KDM3B: variants seen among roughly 807,000 people sequenced by gnomAD.
KDM3B encodes lysine-specific demethylase 3B.
Under a neutral mutation model 170.0 loss-of-function variants are expected in KDM3B, and 10 were observed. The ratio of observed to expected loss-of-function variants is 0.06; its 90% CI spans 0.04 to 0.10. The LOEUF is 0.10. Ranked by LOEUF, KDM3B falls within the 10% of genes least tolerant of loss-of-function variation. KDM3B has a pLI of 1.00. For synonymous variants in KDM3B, 831 were observed against 834.8 expected (o/e 1.00, Z 0.08); for missense variants, 1,394 against 2,195.2 (o/e 0.64, Z 7.29).
At chr5:138,393,884 A>G (rs2126954296) in intron 9 of KDM3B, among the ~76,000 whole-genome samples, 1 of 152,218 alleles carries the variant, frequency 6.6e-6, no homozygotes, top group East Asian at 1.9e-4. Context: ...TGATAAACTT[A>G]GAAGGGGAGT....
At position 138,424,072 on chromosome 5, in the gene KDM3B, C is replaced by A; in HGVS notation, c.3973-3C>A. ...GCTTACCTGGTGGATTTGTGTCTGG[C>A]AGGGAGTGAAGAGCAAGGCCAGCCT... On this transcript the variant is annotated splice_polypyrimidine_tract_variant and splice_region_variant and intron_variant, in intron 15 of 23. Coordinates refer to ENST00000314358, the MANE Select transcript of KDM3B (RefSeq NM_016604.4). 1 of 1,544,240 alleles carries A rather than the reference C, an allele frequency of 6.5e-7. No homozygotes were observed. Among genetic ancestry groups the A allele is most frequent in the Non-Finnish European group, 8.8e-7 (1 of 1,142,610 alleles).
chr5:138,425,639 C>G (rs1190287895), intron 17 of KDM3B, 57 bp downstream of exon 17: 6 of 1,423,144 alleles, frequency 4.2e-6, no homozygotes, highest in Non-Finnish European at 5.8e-6. Context: ...AGCATCTATA[C>G]GCCCAGCTCT....
chr5:138,410,391 T>C (rs977050050), intron 11 of KDM3B, among the ~76,000 whole-genome samples: 1 of 151,996 alleles, frequency 6.6e-6, no homozygotes, highest in African/African-American at 2.4e-5. Flanking sequence ...AACCCACACA[T>C]ACATAATCAA....
chr5:138,366,089 A>C (rs1761739178), intron 1 of KDM3B, among the ~76,000 whole-genome samples: 1 of 151,784 alleles, frequency 6.6e-6, no homozygotes, highest in Admixed American at 6.6e-5. Context: ...CCTCCTACTC[A>C]CAATCCCCTC....
At chr5:138,363,939 G>A (rs1761680569) in intron 1 of KDM3B, among the ~76,000 whole-genome samples, 1 of 145,094 alleles carries the variant, frequency 6.9e-6, no homozygotes, top group Non-Finnish European at 1.5e-5. Context: ...TCGAGATGGA[G>A]TCTCACTCAC....
rs1761966093 is a variant in KDM3B at position 138,375,187 on chromosome 5, A to G, written c.455A>G (p.Asn152Ser). 1.9e-6 allele frequency: 3 copies of G among 1,608,630 alleles called. No individual in the cohort carries two copies. Among genetic ancestry groups the G allele is most frequent in the Non-Finnish European group, 8.5e-7 (1 of 1,175,134 alleles). ...DRELRFLSDA[N>S]GLHLFQMGTD... is the part of the protein sequence containing the mutation. The stretch of plus-strand genomic sequence containing the variant: ...GAGCTTCGGTTCCTGTCAGATGCCA[A>G]TGGGTTGCATCTGTTTCAGGTATTT... Residue 152 changes from asparagine to serine, a missense_variant, in exon 3 of 24, where the codon AAT becomes AGT. By Grantham distance (46) the Asn-to-Ser change is conservative. This residue lies in a region of KDM3B where 166 missense variants were observed against 216.4 expected (regional missense o/e 0.77). Coordinates refer to ENST00000314358, the MANE Select transcript of KDM3B (RefSeq NM_016604.4).
At chr5:138,364,404 ACTCTT>A (rs1200445033) in intron 1 of KDM3B, among the ~76,000 whole-genome samples, 6 of 151,758 alleles carry the variant, frequency 4.0e-5, no homozygotes, top group African/African-American at 1.5e-4. Flanking sequence ...GAGTAATTTA[ACTCTT>A]CTCTTTTCGT....
intron 15 of KDM3B, among the ~76,000 whole-genome samples, 162 bp downstream of exon 15, chr5:138,421,124 C>A (rs1204990693): frequency 1.3e-5 from 2 of 152,140 alleles, no homozygotes; most frequent in African/African-American, 2.4e-5. Flanking sequence ...AAGTAGTGAA[C>A]CTTTTGTACC....
chr5:138,393,125 T>C, intron 8 of KDM3B, 46 bp from the exon 9 acceptor site: 1 of 1,566,738 alleles, frequency 6.4e-7, no homozygotes, highest in Non-Finnish European at 8.8e-7. Flanking sequence ...TATTGGTTCC[T>C]GTTTACACCT....
At chr5:138,387,864 A>C (rs556993749) in intron 7 of KDM3B, among the ~76,000 whole-genome samples, 2 of 151,706 alleles carry the variant, frequency 1.3e-5, no homozygotes, top group African/African-American at 4.8e-5. Context: ...GGCGGATCAC[A>C]AGGTCAGGAG....
In KDM3B at chr5:138,372,696, G is replaced by A. The variant is rs1761903455; in HGVS notation, c.215G>A (p.Cys72Tyr). Residue 72 changes from cysteine to tyrosine, a missense_variant, in exon 2 of 24, where the codon TGT becomes TAT. Coordinates refer to ENST00000314358, the MANE Select transcript of KDM3B (RefSeq NM_016604.4). ...CAGATCTTTGTAGAATTTGATGGCTGTAACTGGAAGCAACACTCCTGGGTA... is the reference window on the plus strand; with the variant it reads ...CAGATCTTTGTAGAATTTGATGGCTATAACTGGAAGCAACACTCCTGGGTA... Reference protein sequence around the residue: ...DLAIFVEFDGCNWKQHSWVKV... With the variant: ...DLAIFVEFDGYNWKQHSWVKV... 2 of 1,613,582 alleles carry A rather than the reference G, an allele frequency of 1.2e-6. No individual in the cohort carries two copies. The highest frequency in any genetic ancestry group is 4.5e-5 in the East Asian group (2 of 44,876).
intron 1 of KDM3B, 62 bp downstream of exon 1, chr5:138,353,049 C>A: frequency 3.0e-6 from 1 of 337,544 alleles, no homozygotes; most frequent in South Asian, 1.3e-4. Context: ...GCGGCCTCCC[C>A]GGGGGCCTTT....
chr5:138,427,468 T>C, intron 19 of KDM3B, 149 bp downstream of exon 19: 1 of 875,338 alleles, frequency 1.1e-6, no homozygotes. Flanking sequence ...CTTGAATATG[T>C]TTGCTTTTGT....
At chr5:138,386,655 G>A (rs1693246369) in intron 7 of KDM3B, 34 bp downstream of exon 7, 2 of 1,586,894 alleles carry the variant, frequency 1.3e-6, no homozygotes, top group South Asian at 2.3e-5. Context: ...TGCAAGATTT[G>A]GGTTTACTCT....
In KDM3B at chr5:138,415,211, C is replaced by T. The variant is rs756460625; in HGVS notation, c.3279C>T (p.Leu1093=). 5 of 1,607,644 alleles carry T rather than the reference C, an allele frequency of 3.1e-6. No homozygotes were observed. In the African/African-American group the frequency reaches 6.7e-5, roughly 21 times the overall value. Residue 1093 remains leucine, a synonymous_variant, in exon 12 of 24, where the codon CTC becomes CTT. Transcript: ENST00000314358. ...GACAGTCCCACGAACCAGAGAATCT[C>T]ATGCCCACACAAATTATTCCTGGCA... ...AKGQSHEPEN[L]MPTQIIPGTA... is the part of the protein sequence containing the mutation.
At position 138,429,844 on chromosome 5, in the gene KDM3B, A is replaced by G. The variant is rs1226620936; in HGVS notation, c.4772A>G (p.Asp1591Gly). The G allele has an allele frequency of 6.2e-7, 1 of 1,614,068 alleles. No homozygotes were observed. The highest frequency in any genetic ancestry group is 1.3e-5 in the African/African-American group (1 of 75,052). The change falls in exon 21 of 24, where the codon GAC (aspartate) becomes GGC (glycine). Residue 1591 changes from aspartate to glycine, a missense_variant. Asp to Gly is a moderately conservative substitution (Grantham distance 94, BLOSUM62 -1). Coordinates refer to ENST00000314358, the MANE Select transcript of KDM3B (RefSeq NM_016604.4). The stretch of plus-strand genomic sequence containing the variant: ...TTTTCAGAGGTACTCAAGACAATTG[A>G]CGAGGGAGATGCCGATGAGGTGACG... Reference protein sequence around the residue: ...AHDEEVLKTIDEGDADEVTKQ... With the variant: ...AHDEEVLKTIGEGDADEVTKQ...
chr5:138,357,788 T>C (rs1447572655), intron 1 of KDM3B, among the ~76,000 whole-genome samples: 75 of 150,832 alleles, frequency 5.0e-4, no homozygotes, highest in Admixed American at 8.6e-4. Context: ...GGCGCGATAT[T>C]GGCTCACTGC....
Position 138,391,242 on chromosome 5 carries a change from G to A in KDM3B, c.1610G>A (p.Ser537Asn), listed in dbSNP as rs1348248466. 1.2e-6 allele frequency: 2 copies of A among 1,614,118 alleles called. No homozygotes were observed. The highest frequency in any genetic ancestry group is 1.7e-6 in the Non-Finnish European group (2 of 1,180,028). Residue 537 changes from serine to asparagine, a missense_variant, in exon 8 of 24, where the codon AGT becomes AAT. Ser to Asn is a conservative substitution (Grantham distance 46, BLOSUM62 1). Transcript: ENST00000314358. The surrounding 1 kb of genome is among the most constrained non-coding windows in gnomAD (Gnocchi z 5.0). Reference sequence around the variant, plus strand: ...TGCATGTCCCAAACTTTACCTACCAGTAACTACTTCACTACTGTTTCAGAG... The same window carrying A: ...TGCATGTCCCAAACTTTACCTACCAATAACTACTTCACTACTGTTTCAGAG... ...FQCMSQTLPTSNYFTTVSESL... is the reference protein window; with the variant it reads ...FQCMSQTLPTNNYFTTVSESL...
chr5:138,396,965 C>T (rs560576859), intron 9 of KDM3B, among the ~76,000 whole-genome samples: 8 of 152,040 alleles, frequency 5.3e-5, no homozygotes, highest in Non-Finnish European at 7.4e-5. Flanking sequence ...GTGGGCGGAT[C>T]GCTTAAGCCC....
Sources: allele counts gnomAD v4.1 joint callset (sites outside exome capture counted in the v4.1 genomes callset), GRCh38; gene constraint gnomAD v4.1.1; regional missense constraint gnomAD v4.1.1; non-coding constraint Gnocchi (gnomAD v3.1); transcripts MANE v1.5; gene names NCBI Gene and HGNC (gene_info 2026-07-23, HGNC 2026-07-21).